LRRC41: variants seen among roughly 807,000 people sequenced by gnomAD.
The protein encoded by LRRC41 is leucine rich repeat containing 41, also known as leucine-rich repeat-containing protein 41.
Under a neutral mutation model 72.1 loss-of-function variants are expected in LRRC41, and 17 were observed. That is an observed-to-expected ratio of 0.24 (90% CI 0.16 to 0.35). LRRC41 has a LOEUF of 0.35. Among genes scored for constraint, LRRC41 ranks in the 10% least tolerant of loss-of-function variants. LRRC41 has a pLI of 1.00. For synonymous variants in LRRC41, 427 were observed against 431.0 expected (o/e 0.99, Z 0.11); for missense variants, 759 against 1,065.0 (o/e 0.71, Z 4.00).
At chr1:46,301,643 G>A (rs1172338591) in intron 1 of LRRC41, among the ~76,000 whole-genome samples, 1 of 151,764 alleles carries the variant, frequency 6.6e-6, no homozygotes, top group Admixed American at 6.6e-5. Flanking sequence ...AAACTCCAGG[G>A]CCTTTTCCCC....
At position 46,293,233 on chromosome 1, in the gene LRRC41, C is replaced by CT. The variant is rs1023909428; in HGVS notation, c.357+4329dup. ...CTCCATCCTGAGATTAGGATGGTCA[C>CT]TTTTATTATTTCTTTAGTTGTTTTG... On this transcript the variant is annotated intron_variant, in intron 3 of 9. Coordinates refer to ENST00000617190, the MANE Select transcript of LRRC41 (RefSeq NM_006369.5). Among the ~76,000 whole-genome samples, 5 of 150,754 alleles carry CT rather than the reference C, an allele frequency of 3.3e-5. No individual in the cohort carries two copies. In the East Asian group the frequency reaches 9.7e-4, roughly 29 times the overall value.
Position 46,303,545 on chromosome 1 carries a change from A to T in LRRC41, c.-223T>A, listed in dbSNP as rs1440654442. On this transcript the variant is annotated 5_prime_UTR_variant, in exon 1 of 10. Transcript: ENST00000617190. The stretch of plus-strand genomic sequence containing the variant: ...TGGTATGACTAAGGGGATGTTTCTT[A>T]GCAAAGCCTCCTCGGGTGCAAACAT... The T allele has an allele frequency of 5.2e-6, 4 of 771,154 alleles. No individual in the cohort carries two copies. Among genetic ancestry groups the T allele is most frequent in the Non-Finnish European group, 8.2e-6 (4 of 490,190 alleles). The allele number at this position is 771,154 out of a possible 1,614,324, so 47.8% of individuals were successfully genotyped here.
intron 3 of LRRC41, among the ~76,000 whole-genome samples, chr1:46,290,553 T>C (rs1223409643): frequency 2.0e-5 from 3 of 152,222 alleles, no homozygotes; most frequent in Non-Finnish European, 4.4e-5. Flanking sequence ...GAATATTTTA[T>C]TTTGAAAATG....
chr1:46,302,523 C>T lies in LRRC41; in HGVS notation c.199+601G>A, dbSNP rs1474142290. 1 of 984,558 alleles carries T rather than the reference C, an allele frequency of 1.0e-6. No individual in the cohort carries two copies. The highest frequency in any genetic ancestry group is 1.2e-6 in the Non-Finnish European group (1 of 829,734). The allele number at this position is 984,558 out of a possible 1,614,324, so 61.0% of individuals were successfully genotyped here. On this transcript the variant is annotated intron_variant, in intron 1 of 9. Transcript: ENST00000617190. The surrounding 1 kb of genome is among the most constrained non-coding windows in gnomAD (Gnocchi z 4.7). ...TGGGCCGTCAGACAGGCCGCGGCGCCCCGACCCTTTCGTTCGGCCTCTCCC... is the reference window on the plus strand; with the variant it reads ...TGGGCCGTCAGACAGGCCGCGGCGCTCCGACCCTTTCGTTCGGCCTCTCCC...
intron 3 of LRRC41, among the ~76,000 whole-genome samples, chr1:46,291,363 T>C (rs958897360): frequency 1.3e-5 from 2 of 152,052 alleles, no homozygotes. Context: ...AGACAGGGTC[T>C]TGTCCCATCA....
In LRRC41 at chr1:46,285,278, C is replaced by A. The variant is rs748141155; in HGVS notation, c.1495+84G>T. 1 of 1,424,974 alleles carries A rather than the reference C, an allele frequency of 7.0e-7. No homozygotes were observed. Among genetic ancestry groups the A allele is most frequent in the African/African-American group, 1.4e-5 (1 of 70,852 alleles). The allele number at this position is 1,424,974 out of a possible 1,614,324, so 88.3% of individuals were successfully genotyped here. ...ACCTCCTGATCATACCCCCAATTTG[C>A]CCCTCCCACCTCCCTAGAATTAGGC... On this transcript the variant is annotated intron_variant, in intron 4 of 9. Transcript: ENST00000617190. The surrounding 1 kb of genome is among the most constrained non-coding windows in gnomAD (Gnocchi z 5.3).
In LRRC41 at chr1:46,286,648, G is replaced by T; in HGVS notation, c.358-149C>A. ...ATCTCTGAGGTATGTATTATTATTA[G>T]CCCTATTTTACAGGTAAAACCGAGG... On this transcript the variant is annotated intron_variant, in intron 3 of 9. Transcript: ENST00000617190. The surrounding 1 kb of genome is among the most constrained non-coding windows in gnomAD (Gnocchi z 5.5). 1.2e-6 allele frequency: 1 copy of T among 808,414 alleles called. No individual in the cohort carries two copies. The highest frequency in any genetic ancestry group is 1.9e-6 in the Non-Finnish European group (1 of 532,118). The allele number at this position is 808,414 out of a possible 1,614,324, so 50.1% of individuals were successfully genotyped here.
chr1:46,301,827 G>GC (rs1161567949), intron 1 of LRRC41, among the ~76,000 whole-genome samples: 1 of 151,418 alleles, frequency 6.6e-6, no homozygotes, highest in Non-Finnish European at 1.5e-5. Context: ...CTGCTCTCCT[G>GC]CCCCCCTCCC....
chr1:46,298,108 A>G (rs1425232760), intron 2 of LRRC41, among the ~76,000 whole-genome samples, 176 bp downstream of exon 2: 2 of 152,206 alleles, frequency 1.3e-5, no homozygotes, highest in Non-Finnish European at 2.9e-5. Flanking sequence ...AATAAAGATC[A>G]TATACTTGGC....
At position 46,277,907 on chromosome 1, in the gene LRRC41, C is replaced by A; in HGVS notation, c.*958G>T. 1 of 1,614,032 alleles carries A rather than the reference C, an allele frequency of 6.2e-7. No individual in the cohort carries two copies. The highest frequency in any genetic ancestry group is 1.1e-5 in the South Asian group (1 of 91,080). On this transcript the variant is annotated 3_prime_UTR_variant, in exon 10 of 10. Coordinates refer to ENST00000617190, the MANE Select transcript of LRRC41 (RefSeq NM_006369.5). Reference sequence around the variant, plus strand: ...GGTGGATGAGGAGCAGGATGTAGAGCGCCACTTCTCTCTGGGCGAGTTGAA... The same window carrying A: ...GGTGGATGAGGAGCAGGATGTAGAGAGCCACTTCTCTCTGGGCGAGTTGAA...
chr1:46,298,097 T>A (rs1441322348), intron 2 of LRRC41, among the ~76,000 whole-genome samples, 187 bp downstream of exon 2: 1 of 152,196 alleles, frequency 6.6e-6, no homozygotes, highest in African/African-American at 2.4e-5. Context: ...TTTATCAGTA[T>A]AATAAAGATC....
intron 4 of LRRC41, among the ~76,000 whole-genome samples, chr1:46,283,474 T>C (rs1456535159): frequency 2.0e-5 from 3 of 152,126 alleles, no homozygotes; most frequent in Non-Finnish European, 2.9e-5. Context: ...TAAAAATGCA[T>C]TCAAGTTGGA....
Position 46,302,365 on chromosome 1 carries a change from C to G in LRRC41, c.199+759G>C. 1.0e-6 allele frequency: 1 copy of G among 985,450 alleles called. No homozygotes were observed. Among genetic ancestry groups the G allele is most frequent in the Non-Finnish European group, 1.2e-6 (1 of 829,934 alleles). 61.0% of individuals were successfully genotyped at this position (985,450 alleles called of 1,614,324 possible). A position where few individuals can be genotyped will look rare whatever the true frequency, so the allele number is the denominator to read the frequency against. ...CTCCGGGCCCCCCTCCACTCGCTCT[C>G]CGGTCCCTCCTCGCCGCTCGAGCCG... On this transcript the variant is annotated intron_variant, in intron 1 of 9. Coordinates refer to ENST00000617190, the MANE Select transcript of LRRC41 (RefSeq NM_006369.5). The surrounding 1 kb of genome is among the most constrained non-coding windows in gnomAD (Gnocchi z 4.7).
rs978364606 is a variant in LRRC41, at chr1:46,302,233, C to T, written c.199+891G>A. ...CCTCTTGGCGGCGCCGCGCCCCCTG[C>T]CACGGCAGCCCGGCAGTCCGGGATC... is the stretch of plus-strand genomic sequence containing the variant. On this transcript the variant is annotated intron_variant, in intron 1 of 9. Coordinates refer to ENST00000617190, the MANE Select transcript of LRRC41 (RefSeq NM_006369.5). This position sits in a 1 kb window ranked among gnomAD's most constrained non-coding sequence, Gnocchi z 4.7. The T allele has an allele frequency of 1.0e-5, 10 of 985,328 alleles. No homozygotes were observed. In the African/African-American group the frequency reaches 1.6e-4, roughly 15 times the overall value. 61.0% of individuals were successfully genotyped at this position (985,328 alleles called of 1,614,324 possible).
In LRRC41 at chr1:46,298,291, G is replaced by A; in HGVS notation, c.279C>T (p.Leu93=). 3.1e-6 allele frequency: 5 copies of A among 1,602,616 alleles called. No homozygotes were observed. The highest frequency in any genetic ancestry group is 4.3e-6 in the Non-Finnish European group (5 of 1,171,378). ...AGACAGAAAGATACTCACCTTTCTT[G>A]AGGGCAGTTTCCTCAATCCTCTCCA... ...YYLERIEETA[L]KKGLSTQAIW... The change falls in exon 2 of 10, where the codon CTC becomes CTT. Residue 93 remains leucine (L), a synonymous_variant. Coordinates refer to ENST00000617190, the MANE Select transcript of LRRC41 (RefSeq NM_006369.5).
intron 3 of LRRC41, among the ~76,000 whole-genome samples, chr1:46,290,206 G>C (rs905071669): frequency 2.6e-5 from 4 of 152,190 alleles, no homozygotes; most frequent in Admixed American, 1.3e-4. Context: ...CCATGAGTTT[G>C]TGATCAGCCT....
In LRRC41 at chr1:46,278,442, G is replaced by A; in HGVS notation, c.*423C>T. 1.1e-6 allele frequency: 1 copy of A among 906,584 alleles called. No individual in the cohort carries two copies. The highest frequency in any genetic ancestry group is 1.7e-6 in the Non-Finnish European group (1 of 587,916). The allele number at this position is 906,584 out of a possible 1,614,324, so 56.2% of individuals were successfully genotyped here. A position where few individuals can be genotyped will look rare whatever the true frequency, so the allele number is the denominator to read the frequency against. On this transcript the variant is annotated 3_prime_UTR_variant, in exon 10 of 10. Transcript: ENST00000617190. Reference sequence around the variant, plus strand: ...TTATTTTATAAGAAAAACTTTTTTGGTTAAAAAAAAGAATAAAGGTATGAA... The same window carrying A: ...TTATTTTATAAGAAAAACTTTTTTGATTAAAAAAAAGAATAAAGGTATGAA...
intron 3 of LRRC41, among the ~76,000 whole-genome samples, chr1:46,289,615 G>A (rs765917402): frequency 1.3e-5 from 2 of 152,080 alleles, no homozygotes; most frequent in East Asian, 1.9e-4. Context: ...CAAAAAATTC[G>A]CCGGGCGAGG....
chr1:46,301,737 C>A (rs1156352005), intron 1 of LRRC41, among the ~76,000 whole-genome samples: 2 of 152,086 alleles, frequency 1.3e-5, no homozygotes, highest in African/African-American at 4.8e-5. Context: ...CTGACCAGGG[C>A]CTTCCTCCTG....
Sources: gnomAD v4.1 joint callset for allele counts (sites outside exome capture counted in the v4.1 genomes callset) on GRCh38, gnomAD v4.1.1 for gene constraint, Gnocchi (gnomAD v3.1) non-coding constraint, MANE v1.5 for transcripts, NCBI Gene and HGNC (gene_info 2026-07-23, HGNC 2026-07-21) for gene names.